MACROD2: variants seen among roughly 807,000 people sequenced by gnomAD.
The protein encoded by MACROD2 is ADP-ribose glycohydrolase MACROD2.
A neutral mutation model predicts 70.4 loss-of-function variants in MACROD2; 36 were observed. The ratio of observed to expected loss-of-function variants is 0.51; its 90% CI spans 0.39 to 0.68. MACROD2 has a LOEUF of 0.68. MACROD2 is among the 30% of genes least tolerant of loss of function. MACROD2 has a pLI of 0.00. For missense variants in MACROD2, 496 were observed against 538.4 expected (o/e 0.92, Z 0.78); for synonymous variants, 172 against 178.8 (o/e 0.96, Z 0.30).
At chr20:14,770,674 T>A (rs2072153257) in intron 5 of MACROD2, among the ~76,000 whole-genome samples, 1 of 152,150 alleles carries the variant, frequency 6.6e-6, no homozygotes, top group African/African-American at 2.4e-5. Context: ...ATTCTAGGCC[T>A]ATTCTAAATA....
chr20:15,853,086 A>T (rs757713706), intron 8 of MACROD2, among the ~76,000 whole-genome samples: 1 of 152,212 alleles, frequency 6.6e-6, no homozygotes. Flanking sequence ...TGATATTCTC[A>T]TCTGGCTATA....
At chr20:15,560,725 T>G (rs549709055) in intron 8 of MACROD2, among the ~76,000 whole-genome samples, 4 of 122,146 alleles carry the variant, frequency 3.3e-5, no homozygotes, top group Non-Finnish European at 6.2e-5. Context: ...ATTGCACCAC[T>G]GCACTCCAGC....
At chr20:14,399,402 T>G (rs987743854) in intron 3 of MACROD2, among the ~76,000 whole-genome samples, 3 of 152,158 alleles carry the variant, frequency 2.0e-5, no homozygotes, top group Non-Finnish European at 4.4e-5. Context: ...TAGATATCCC[T>G]TCACTGTTTT....
chr20:14,590,617 C>A (rs1014521460), intron 4 of MACROD2, among the ~76,000 whole-genome samples: 3 of 152,112 alleles, frequency 2.0e-5, no homozygotes, highest in African/African-American at 7.2e-5. Flanking sequence ...GGTCATGTTA[C>A]TATTTTTCCC....
At chr20:14,944,239 G>A (rs953307033) in intron 5 of MACROD2, among the ~76,000 whole-genome samples, 13 of 152,290 alleles carry the variant, frequency 8.5e-5, no homozygotes, top group Non-Finnish European at 1.3e-4. Flanking sequence ...GAAGGGAGAG[G>A]AGGGCTGGGG....
intron 5 of MACROD2, among the ~76,000 whole-genome samples, chr20:15,170,693 G>T (rs2076416490): frequency 6.6e-6 from 1 of 152,174 alleles, no homozygotes; most frequent in African/African-American, 2.4e-5. Context: ...TAAGTTGGGG[G>T]ACTCTGGGAA....
At chr20:14,570,395 G>C (rs11908467) in intron 4 of MACROD2, among the ~76,000 whole-genome samples, 16,198 of 151,918 alleles carry the variant, frequency 0.11, 1,283 homozygotes, top group South Asian at 0.34. Context: ...AGTGCTGGTG[G>C]TCTGTTTCTT....
At position 14,505,506 on chromosome 20, in the gene MACROD2, T is replaced by C. The variant is rs139056483; in HGVS notation, c.301+11998T>C. Among the ~76,000 whole-genome samples the C allele has an allele frequency of 1.9e-3, 289 of 152,348 alleles. 2 individuals are homozygous for C. Among genetic ancestry groups the C allele is most frequent in the African/African-American group, 6.6e-3 (276 of 41,586 alleles). On this transcript the variant is annotated intron_variant, in intron 4 of 17. Transcript: ENST00000684519. ...TTTGATAAAACACCTAGAAAGTTCT[T>C]ATGTTTGTCTCTTTTCCCTTGAACA...
At chr20:15,770,853 A>T (rs1397606849) in intron 8 of MACROD2, among the ~76,000 whole-genome samples, 1 of 152,110 alleles carries the variant, frequency 6.6e-6, no homozygotes, top group Admixed American at 6.5e-5. Flanking sequence ...CAATACAAAC[A>T]TAGGTCCTGG....
chr20:15,346,822 G>A (rs1423534880), intron 6 of MACROD2, among the ~76,000 whole-genome samples: 5 of 152,116 alleles, frequency 3.3e-5, no homozygotes, highest in South Asian at 4.1e-4. Context: ...CACCAACCAC[G>A]GTGAAGTCCA....
chr20:15,991,036 T>C (rs1441136940), intron 15 of MACROD2, among the ~76,000 whole-genome samples: 1 of 135,608 alleles, frequency 7.4e-6, no homozygotes, highest in Non-Finnish European at 1.6e-5. Flanking sequence ...GATAAAAATA[T>C]AGAGGTGCCC....
At chr20:14,230,631 T>TGTGTG (rs1569217269) in intron 3 of MACROD2, among the ~76,000 whole-genome samples, 9 of 94,242 alleles carry the variant, frequency 9.5e-5, no homozygotes, top group South Asian at 4.2e-4. Context: ...TCATTCATGT[T>TGTGTG]TATATATATA....
At chr20:14,261,537 G>A (rs1294188536) in intron 3 of MACROD2, among the ~76,000 whole-genome samples, 1 of 152,066 alleles carries the variant, frequency 6.6e-6, no homozygotes, top group African/African-American at 2.4e-5. Flanking sequence ...ATCTACACAT[G>A]TGTGTGTATG....
intron 8 of MACROD2, 100 bp downstream of exon 8, chr20:15,499,947 C>G (rs1196061454): frequency 1.8e-6 from 2 of 1,130,868 alleles, no homozygotes; most frequent in African/African-American, 3.1e-5. Context: ...TCAACTACAC[C>G]TAGTCATTGA....
chr20:15,867,952 T>C (rs1051964257), intron 9 of MACROD2, among the ~76,000 whole-genome samples: 4 of 152,166 alleles, frequency 2.6e-5, no homozygotes, highest in African/African-American at 9.7e-5. Flanking sequence ...TTTTCACAGC[T>C]GAGGGATGGG....
chr20:14,921,619 T>C (rs2074164867), intron 5 of MACROD2, among the ~76,000 whole-genome samples: 1 of 152,180 alleles, frequency 6.6e-6, no homozygotes, highest in South Asian at 2.1e-4. Flanking sequence ...GGCCCAGCTG[T>C]TAGGATATAT....
chr20:14,061,034 C>T (rs991667314), intron 2 of MACROD2, among the ~76,000 whole-genome samples: 1 of 151,966 alleles, frequency 6.6e-6, no homozygotes. Flanking sequence ...AGCATGTTAC[C>T]TTAAAGCTAT....
intron 5 of MACROD2, among the ~76,000 whole-genome samples, chr20:15,227,610 G>A (rs1409227194): frequency 6.6e-6 from 1 of 152,078 alleles, no homozygotes; most frequent in East Asian, 1.9e-4. Flanking sequence ...GAACAAGATT[G>A]CCAAAATGGC....
intron 3 of MACROD2, among the ~76,000 whole-genome samples, chr20:14,112,223 G>T (rs1004458679): frequency 6.6e-6 from 1 of 151,936 alleles, no homozygotes; most frequent in Non-Finnish European, 1.5e-5. Flanking sequence ...GAAGGGTAGT[G>T]GGGGGTTGGA....
Sources: gnomAD v4.1 joint callset for allele counts (sites outside exome capture counted in the v4.1 genomes callset) on GRCh38, gnomAD v4.1.1 for gene constraint, MANE v1.5 for transcripts, NCBI Gene and HGNC (gene_info 2026-07-23, HGNC 2026-07-21) for gene names.